RASSF8: variants seen among roughly 807,000 people sequenced by gnomAD.
RASSF8 encodes the protein Ras association domain family member 8.
In RASSF8, 22 loss-of-function variants were observed where a neutral mutation model predicts 48.5. The ratio of observed to expected loss-of-function variants is 0.45; its 90% CI spans 0.32 to 0.65. The LOEUF is 0.65. Among genes scored for constraint, RASSF8 ranks in the 30% least tolerant of loss-of-function variants. The probability of loss-of-function intolerance (pLI) is 0.03; values close to 1 mark genes in which losing one functional copy is unlikely to be tolerated. For missense variants in RASSF8, 418 were observed against 489.2 expected, an observed-to-expected ratio of 0.85 and a Z score of 1.37; for synonymous variants, 127 against 171.5, an observed-to-expected ratio of 0.74 and a Z score of 2.03.
rs1450003709 is a variant in RASSF8 at position 26,064,818 on chromosome 12, A to G, written c.424A>G (p.Ile142Val). ...FTGGAKGLMDIFGKGKETEFK... is the reference protein window; with the variant it reads ...FTGGAKGLMDVFGKGKETEFK... ...AGGAGGTGCCAAAGGATTAATGGACATTTTTGGAAAAGGTAAAGAAACTGA... is the reference window on the plus strand; with the variant it reads ...AGGAGGTGCCAAAGGATTAATGGACGTTTTTGGAAAAGGTAAAGAAACTGA... The change falls in exon 4 of 6, where the codon ATT becomes GTT. Residue 142 changes from isoleucine (I) to valine (V), a missense_variant. Physicochemically the swap from Ile to Val is conservative, Grantham distance 29. Coordinates refer to ENST00000689635, the MANE Select transcript of RASSF8 (RefSeq NM_001394098.1). 3.7e-6 allele frequency: 6 copies of G among 1,614,114 alleles called. No individual in the cohort carries two copies. The highest frequency in any genetic ancestry group is 3.3e-5 in the Admixed American group (2 of 60,008).
intron 2 of RASSF8, among the ~76,000 whole-genome samples, chr12:26,006,821 C>T (rs541205849): frequency 6.6e-6 from 1 of 152,334 alleles, no homozygotes; most frequent in Admixed American, 6.5e-5. Flanking sequence ...AGGTCACATT[C>T]ATCTTTCTTA....
chr12:26,071,772 A>G lies in RASSF8; in HGVS notation c.*2954A>G, dbSNP rs1454541114. ...ATAGTTCAAATTAGTCATAAACAAG[A>G]GCTACAGCAAGACTGATAGAGTAAA... On this transcript the variant is annotated 3_prime_UTR_variant, in exon 6 of 6. Coordinates refer to ENST00000689635, the MANE Select transcript of RASSF8 (RefSeq NM_001394098.1). The G allele has an allele frequency of 2.0e-6, 2 of 982,942 alleles. No individual in the cohort carries two copies. Among genetic ancestry groups the G allele is most frequent in the African/African-American group, 3.5e-5 (2 of 57,232 alleles). The allele number at this position is 982,942 out of a possible 1,614,324, so 60.9% of individuals were successfully genotyped here.
chr12:25,982,502 A>G (rs1450869037), intron 1 of RASSF8, among the ~76,000 whole-genome samples: 2 of 152,236 alleles, frequency 1.3e-5, no homozygotes, highest in Non-Finnish European at 2.9e-5. Flanking sequence ...ATAAATAAAA[A>G]TGCTGGATAA....
intron 2 of RASSF8, among the ~76,000 whole-genome samples, chr12:26,041,829 G>A (rs1943272156): frequency 6.6e-6 from 1 of 152,106 alleles, no homozygotes; most frequent in East Asian, 1.9e-4. Flanking sequence ...ATAGCTTTAT[G>A]TCACATCTCT....
chr12:26,057,581 T>C (rs1416454489), intron 3 of RASSF8, among the ~76,000 whole-genome samples: 1 of 152,336 alleles, frequency 6.6e-6, no homozygotes, highest in East Asian at 1.9e-4. Context: ...AGTGCTGCAA[T>C]AAACATACGT....
intron 1 of RASSF8, among the ~76,000 whole-genome samples, chr12:25,986,151 C>G (rs532837688): frequency 7.2e-5 from 11 of 152,088 alleles, no homozygotes; most frequent in Non-Finnish European, 1.5e-4. Context: ...TATATCCAGT[C>G]GAGCTTCCCA....
rs1943986622 is a variant in RASSF8 at position 26,070,947 on chromosome 12, A to G, written c.*2129A>G. On this transcript the variant is annotated 3_prime_UTR_variant, in exon 6 of 6. Transcript: ENST00000689635. ...AAGTAAGGACAAGCAGCATCCTAGCAACTTGTAGTAGTCTTGGGTTCCCAG... is the reference window on the plus strand; with the variant it reads ...AAGTAAGGACAAGCAGCATCCTAGCGACTTGTAGTAGTCTTGGGTTCCCAG... 1 of 982,976 alleles carries G rather than the reference A, an allele frequency of 1.0e-6. No homozygotes were observed. The highest frequency in any genetic ancestry group is 4.7e-5 in the South Asian group (1 of 21,248). The allele number at this position is 982,976 out of a possible 1,614,324, so 60.9% of individuals were successfully genotyped here. A position where few individuals can be genotyped will look rare whatever the true frequency, so the allele number is the denominator to read the frequency against.
intron 2 of RASSF8, among the ~76,000 whole-genome samples, chr12:26,029,169 CAT>C (rs1236433616): frequency 2.6e-5 from 4 of 152,202 alleles, no homozygotes; most frequent in African/African-American, 9.6e-5. Flanking sequence ...TGATTTTTCT[CAT>C]GTCTATCATG....
intron 2 of RASSF8, among the ~76,000 whole-genome samples, chr12:26,050,141 T>G (rs1236879584): frequency 6.6e-6 from 1 of 152,246 alleles, no homozygotes; most frequent in East Asian, 1.9e-4. Flanking sequence ...TTAACTTGAT[T>G]CATAGCATGT....
At chr12:25,997,260 C>G (rs748139777) in intron 2 of RASSF8, among the ~76,000 whole-genome samples, 38 of 152,142 alleles carry the variant, frequency 2.5e-4, no homozygotes, top group Non-Finnish European at 5.0e-4. Flanking sequence ...CCTCATCCCC[C>G]CTTTCTAGTA....
intron 2 of RASSF8, among the ~76,000 whole-genome samples, chr12:26,013,448 G>C (rs1942577277): frequency 6.6e-6 from 1 of 152,196 alleles, no homozygotes; most frequent in African/African-American, 2.4e-5. Flanking sequence ...GTGAACTCAA[G>C]TCCGCTGATT....
Position 26,072,186 on chromosome 12 carries a change from A to T in RASSF8, c.*3368A>T. ...CCCTCTCCTACCTAAAGTTGTCTTT[A>T]TTGGTTTATATTGTGTTAAAATTAG... On this transcript the variant is annotated 3_prime_UTR_variant, in exon 6 of 6. Transcript: ENST00000689635. The T allele has an allele frequency of 1.0e-6, 1 of 974,026 alleles. No individual in the cohort carries two copies. Among genetic ancestry groups the T allele is most frequent in the Non-Finnish European group, 1.2e-6 (1 of 819,584 alleles). 60.3% of individuals were successfully genotyped at this position (974,026 alleles called of 1,614,324 possible).
chr12:26,014,694 T>A (rs1942606071), intron 2 of RASSF8, among the ~76,000 whole-genome samples: 1 of 152,210 alleles, frequency 6.6e-6, no homozygotes, highest in African/African-American at 2.4e-5. Context: ...TGAAATTAGA[T>A]CTTTTTATAT....
At chr12:25,986,926 T>TTTTTTG (rs1555160453) in intron 1 of RASSF8, among the ~76,000 whole-genome samples, 13 of 146,608 alleles carry the variant, frequency 8.9e-5, no homozygotes, top group Admixed American at 2.0e-4. Flanking sequence ...CGTTTTTTTT[T>TTTTTTG]TTTGTTTGTT....
chr12:26,064,654 G>C lies in RASSF8; in HGVS notation c.260G>C (p.Arg87Pro). 6.2e-7 allele frequency: 1 copy of C among 1,614,104 alleles called. No homozygotes were observed. Among genetic ancestry groups the C allele is most frequent in the Admixed American group, 1.7e-5 (1 of 60,018 alleles). ...CGAACTGGGCCGTCTCTCAGTGAGC[G>C]ACCCACTTCAGACAGTGTGGCTCGA... ...LRRTGPSLSE[R>P]PTSDSVARIP... The change falls in exon 4 of 6, where the codon CGA becomes CCA. Residue 87 changes from arginine (R) to proline (P), a missense_variant. Coordinates refer to ENST00000689635, the MANE Select transcript of RASSF8 (RefSeq NM_001394098.1).
intron 2 of RASSF8, among the ~76,000 whole-genome samples, chr12:26,022,129 G>A (rs1223381685): frequency 6.6e-6 from 1 of 152,120 alleles, no homozygotes; most frequent in Non-Finnish European, 1.5e-5. Flanking sequence ...GAACATTGTT[G>A]AAAACAATAG....
Position 26,071,956 on chromosome 12 carries a change from T to C in RASSF8, c.*3138T>C. On this transcript the variant is annotated 3_prime_UTR_variant, in exon 6 of 6. Transcript: ENST00000689635. ...TTCTCTGTGAATAAGAGCAAAATGG[T>C]CTTCAGAGAAACAGACTGTTCATTT... 1.0e-6 allele frequency: 1 copy of C among 985,422 alleles called. No homozygotes were observed. Among genetic ancestry groups the C allele is most frequent in the Non-Finnish European group, 1.2e-6 (1 of 829,904 alleles). 61.0% of individuals were successfully genotyped at this position (985,422 alleles called of 1,614,324 possible).
At chr12:25,992,766 A>G (rs1276591040) in intron 1 of RASSF8, among the ~76,000 whole-genome samples, 1 of 152,176 alleles carries the variant, frequency 6.6e-6, no homozygotes, top group Admixed American at 6.5e-5. Context: ...CAGTGCCTGC[A>G]GTTTCCTGAG....
At chr12:26,000,050 A>G (rs1014031349) in intron 2 of RASSF8, among the ~76,000 whole-genome samples, 11 of 152,224 alleles carry the variant, frequency 7.2e-5, no homozygotes, top group Admixed American at 6.5e-5. Flanking sequence ...TTTCTCATAG[A>G]TCAGTGATTC....
Sources: allele counts gnomAD v4.1 joint callset (sites outside exome capture counted in the v4.1 genomes callset), GRCh38; gene constraint gnomAD v4.1.1; transcripts MANE v1.5; gene names NCBI Gene and HGNC (gene_info 2026-07-23, HGNC 2026-07-21).